The following SHANK2 variants were observed in gnomAD, a reference collection of about 807,000 sequenced individuals.
SHANK2 encodes SH3 and multiple ankyrin repeat domains protein 2.
Under a neutral mutation model 133.7 loss-of-function variants are expected in SHANK2, and 43 were observed. That is an observed-to-expected ratio of 0.32 (90% CI 0.25 to 0.41). The LOEUF (loss-of-function observed/expected upper bound fraction) is 0.41. SHANK2 is among the 10% of genes least tolerant of loss of function. The pLI is 1.00. For missense variants in SHANK2, 1,994 were observed against 2,235.8 expected, an observed-to-expected ratio of 0.89 and a Z score of 2.18; for synonymous variants, 1,017 against 952.8, an observed-to-expected ratio of 1.07 and a Z score of -1.24.
chr11:70,738,008 G>C (rs1003659871), intron 14 of SHANK2, among the ~76,000 whole-genome samples: 1 of 152,268 alleles, frequency 6.6e-6, no homozygotes. Context: ...GCCAGGAGCC[G>C]GGTGCCGGGC....
chr11:70,845,027 C>T (rs1050159938), intron 11 of SHANK2, among the ~76,000 whole-genome samples: 2 of 151,496 alleles, frequency 1.3e-5, no homozygotes, highest in Admixed American at 6.6e-5. Context: ...GCTGAAACCC[C>T]GTCTCTACTA....
chr11:70,927,575 G>T (rs189297101), intron 10 of SHANK2, among the ~76,000 whole-genome samples: 24 of 152,164 alleles, frequency 1.6e-4, no homozygotes, highest in African/African-American at 5.3e-4. Flanking sequence ...AGGGGTTCAA[G>T]CAAAGGCAGG....
At chr11:70,674,757 T>G (rs558891357) in intron 15 of SHANK2, among the ~76,000 whole-genome samples, 9 of 152,378 alleles carry the variant, frequency 5.9e-5, no homozygotes, top group Admixed American at 5.9e-4. Context: ...TTGCAACTAC[T>G]CACTCTGCTA....
chr11:71,119,029 A>G lies in SHANK2; in HGVS notation c.211T>C (p.Cys71Arg), dbSNP rs1565461848. ...GTGGCATCCGGGTTAAATCGAATGC[A>G]TTTCTGCCAGGAAGGACAAAGACAG... ...VVIHDLQQTKCIRFNPDATVW... is the reference protein window; with the variant it reads ...VVIHDLQQTKRIRFNPDATVW... Residue 71 changes from cysteine to arginine, a missense_variant, in exon 4 of 26, where the codon TGC becomes CGC. By Grantham distance (180) the Cys-to-Arg change is radical (BLOSUM62 -3). Around this residue, in one of 5 missense-constraint regions of SHANK2, gnomAD observed 653 missense variants for 563.4 expected, o/e 1.16. Transcript: ENST00000601538. The G allele has an allele frequency of 1.9e-6, 3 of 1,551,658 alleles. No individual in the cohort carries two copies. Among genetic ancestry groups the G allele is most frequent in the East Asian group, 2.4e-5 (1 of 40,922 alleles).
At chr11:71,103,069 G>C (rs1237502996) in intron 6 of SHANK2, among the ~76,000 whole-genome samples, 1 of 152,196 alleles carries the variant, frequency 6.6e-6, no homozygotes, top group African/African-American at 2.4e-5. Context: ...CCATTCACAA[G>C]GGCTCTGCCC....
Position 70,830,141 on chromosome 11 carries a change from G to A in SHANK2, c.1175-9459C>T, listed in dbSNP as rs1414262295. ...TCTGCCCCGACAAACGCAAACCTTT[G>A]TGCAGCCTCCAGGGCAGTTTTCATC... On this transcript the variant is annotated intron_variant, in intron 11 of 25. Transcript: ENST00000601538. This position sits in a 1 kb window ranked among gnomAD's most constrained non-coding sequence, Gnocchi z 4.4. Among the ~76,000 whole-genome samples, 2 of 152,162 alleles carry A rather than the reference G, an allele frequency of 1.3e-5. No individual in the cohort carries two copies. Among genetic ancestry groups the A allele is most frequent in the African/African-American group, 4.8e-5 (2 of 41,436 alleles).
rs544941899 is a variant in SHANK2, at chr11:70,469,899, C to T, written c.*2970G>A. On this transcript the variant is annotated 3_prime_UTR_variant, in exon 26 of 26. Coordinates refer to ENST00000601538, the MANE Select transcript of SHANK2 (RefSeq NM_012309.5). Reference sequence around the variant, plus strand: ...TGGAAAAGGTATCTTGGCAGGTATACATAATTTACATTTTGAGAGATTTGG... The same window carrying T: ...TGGAAAAGGTATCTTGGCAGGTATATATAATTTACATTTTGAGAGATTTGG... The T allele has an allele frequency of 5.2e-5, 8 of 152,684 alleles. No individual in the cohort carries two copies. The highest frequency in any genetic ancestry group is 1.9e-4 in the African/African-American group (8 of 41,572). 9.5% of individuals were successfully genotyped at this position (152,684 alleles called of 1,614,324 possible). A position where few individuals can be genotyped will look rare whatever the true frequency, so the allele number is the denominator to read the frequency against.
rs114153677 is a variant in SHANK2 at position 70,907,778 on chromosome 11, C to T, written c.1108-11211G>A. 551 of 361,894 alleles carry T rather than the reference C, an allele frequency of 1.5e-3. 3 individuals are homozygous for T. The highest frequency in any genetic ancestry group is 0.011 in the African/African-American group (516 of 46,588). The allele number at this position is 361,894 out of a possible 1,614,324, so 22.4% of individuals were successfully genotyped here. ...GGATAAATATTTTATCAAGACACAT[C>T]GGATATGACAACATAGATTCATGAT... On this transcript the variant is annotated intron_variant, in intron 10 of 25. Coordinates refer to ENST00000601538, the MANE Select transcript of SHANK2 (RefSeq NM_012309.5).
In SHANK2 at chr11:70,517,738, G is replaced by T. The variant is rs944048052; in HGVS notation, c.2062-14807C>A. 7.2e-5 allele frequency among the ~76,000 whole-genome samples: 11 copies of T among 152,210 alleles called. No individual in the cohort carries two copies. In the East Asian group the frequency reaches 1.2e-3, roughly 16 times the overall value. ...AAGGAAGGTGGAACAGAAGCACAGA[G>T]AATTTTTGAGGCAGTGAGGCTGTTC... On this transcript the variant is annotated intron_variant, in intron 17 of 25. Transcript: ENST00000601538.
At position 70,620,447 on chromosome 11, in the gene SHANK2, A is replaced by G. The variant is rs896163389; in HGVS notation, c.2061+39381T>C. On this transcript the variant is annotated intron_variant, in intron 17 of 25. Transcript: ENST00000601538. The stretch of plus-strand genomic sequence containing the variant: ...AACAGGTAATCCCATCGTTATTACA[A>G]GAAACACACAGAGCTCCAATATCTG... 2.0e-5 allele frequency among the ~76,000 whole-genome samples: 3 copies of G among 152,228 alleles called. No individual in the cohort carries two copies. In the East Asian group the frequency reaches 5.8e-4, roughly 29 times the overall value.
rs1377946522 is a variant in SHANK2, at chr11:70,469,670, A to G, written c.*3199T>C. Reference sequence around the variant, plus strand: ...AAAAAAATTGTTAATGGGAAAATCAATATTGTGGCCCACACACAAAAAGTC... The same window carrying G: ...AAAAAAATTGTTAATGGGAAAATCAGTATTGTGGCCCACACACAAAAAGTC... On this transcript the variant is annotated 3_prime_UTR_variant, in exon 26 of 26. Coordinates refer to ENST00000601538, the MANE Select transcript of SHANK2 (RefSeq NM_012309.5). The G allele has an allele frequency of 3.9e-5, 6 of 152,652 alleles. No homozygotes were observed. The highest frequency in any genetic ancestry group is 7.3e-5 in the Non-Finnish European group (5 of 68,036). The allele number at this position is 152,652 out of a possible 1,614,324, so 9.5% of individuals were successfully genotyped here. A position where few individuals can be genotyped will look rare whatever the true frequency, so the allele number is the denominator to read the frequency against.
chr11:71,109,302 C>G (rs1951851803), intron 6 of SHANK2, among the ~76,000 whole-genome samples: 1 of 152,166 alleles, frequency 6.6e-6, no homozygotes, highest in Non-Finnish European at 1.5e-5. Flanking sequence ...TGCCCACACC[C>G]AGGGACAGTG....
chr11:71,163,813 C>A (rs1290231967), intron 2 of SHANK2, among the ~76,000 whole-genome samples: 1 of 152,190 alleles, frequency 6.6e-6, no homozygotes, highest in Non-Finnish European at 1.5e-5. Flanking sequence ...AATCACACAC[C>A]CTCTTCAACA....
intron 8 of SHANK2, among the ~76,000 whole-genome samples, chr11:71,084,052 C>T (rs1951343325): frequency 6.6e-6 from 1 of 151,868 alleles, no homozygotes; most frequent in South Asian, 2.1e-4. Context: ...TCGCTGCAAG[C>T]TCTGCCTCCT....
chr11:70,506,962 A>C (rs1286359600), intron 17 of SHANK2, among the ~76,000 whole-genome samples: 1 of 152,214 alleles, frequency 6.6e-6, no homozygotes, highest in Non-Finnish European at 1.5e-5. Context: ...AGCGATTACC[A>C]AGGGTCAAAT....
chr11:70,627,947 C>A (rs566355452), intron 17 of SHANK2, among the ~76,000 whole-genome samples: 1 of 152,064 alleles, frequency 6.6e-6, no homozygotes, highest in Non-Finnish European at 1.5e-5. Context: ...ACATGCCTAG[C>A]AAGGAAGAGA....
At chr11:70,680,377 G>A (rs1357066644) in intron 15 of SHANK2, among the ~76,000 whole-genome samples, 2 of 152,132 alleles carry the variant, frequency 1.3e-5, no homozygotes, top group African/African-American at 4.8e-5. Flanking sequence ...TGGAGGGCGG[G>A]CTCCCCACCC....
intron 14 of SHANK2, among the ~76,000 whole-genome samples, chr11:70,786,617 T>G (rs1947659577): frequency 6.6e-6 from 1 of 152,144 alleles, no homozygotes; most frequent in Non-Finnish European, 1.5e-5. Flanking sequence ...ATAATTTTTC[T>G]CAAGGGCACC....
chr11:70,473,167 T>A lies in SHANK2; in HGVS notation c.5252A>T (p.Asp1751Val). 6.2e-7 allele frequency: 1 copy of A among 1,613,694 alleles called. No individual in the cohort carries two copies. Among genetic ancestry groups the A allele is most frequent in the Non-Finnish European group, 8.5e-7 (1 of 1,179,638 alleles). The change falls in exon 26 of 26, where the codon GAT becomes GTT. Residue 1751 changes from aspartate (D) to valine (V), a missense_variant. Asp to Val is a radical substitution (Grantham distance 152, BLOSUM62 -3). Transcript: ENST00000601538. This position sits in a 1 kb window ranked among gnomAD's most constrained non-coding sequence, Gnocchi z 5.9. ...FSLPSQPPSG[D>V]LFGLNPAGRS... ...TCCCGCTGGGTTCAAGCCAAATAGA[T>A]CCCCAGAAGGGGGCTGGCTTGGAAG... is the stretch of plus-strand genomic sequence containing the variant.
Sources: allele counts gnomAD v4.1 joint callset (sites outside exome capture counted in the v4.1 genomes callset), GRCh38; gene constraint gnomAD v4.1.1; regional missense constraint gnomAD v4.1.1; non-coding constraint Gnocchi (gnomAD v3.1); transcripts MANE v1.5; gene names NCBI Gene and HGNC (gene_info 2026-07-23, HGNC 2026-07-21).